Variants in SCART1 observed in about 807,000 individuals in gnomAD.
SCART1 encodes scavenger receptor cysteine-rich domain-containing protein SCART1.
SCART1 carries 62 observed loss-of-function variants against 36.2 expected under a neutral mutation model. The observed-to-expected ratio is 1.71, with a 90% CI of 1.40 to 2.12. The LOEUF is 2.12. Among genes scored for constraint, SCART1 ranks in the 30% most tolerant of loss-of-function variants. The probability of loss-of-function intolerance (pLI) is 0.00; values close to 1 mark genes in which losing one functional copy is unlikely to be tolerated. For missense variants in SCART1, 1,041 were observed against 540.5 expected (o/e 1.93, Z -9.18); for synonymous variants, 487 against 238.7 (o/e 2.04, Z -9.59).
In SCART1 at chr10:133,456,815, C is replaced by T. The variant is rs543301491; in HGVS notation, c.385+261C>T. ...GGAAGGAAGCAGAGTGCGGCCCAGGCGTGGGGGAGGCAGCAGCCGAGCGGG... is the reference window on the plus strand; with the variant it reads ...GGAAGGAAGCAGAGTGCGGCCCAGGTGTGGGGGAGGCAGCAGCCGAGCGGG... On this transcript the variant is annotated intron_variant, in intron 2 of 11. Transcript: ENST00000640237. 5.9e-5 allele frequency among the ~76,000 whole-genome samples: 9 copies of T among 152,182 alleles called. No homozygotes were observed. In the East Asian group the frequency reaches 1.4e-3, roughly 23 times the overall value.
At chr10:133,460,209 A>G in intron 6 of SCART1, 39 bp downstream of exon 6, 1 of 455,644 alleles carries the variant, frequency 2.2e-6, no homozygotes, top group African/African-American at 2.0e-5. Context: ...ATGCTGTTTT[A>G]TTACGTACAG....
At chr10:133,456,777 G>A (rs930820321) in intron 2 of SCART1, among the ~76,000 whole-genome samples, 10 of 152,178 alleles carry the variant, frequency 6.6e-5, no homozygotes, top group Admixed American at 2.0e-4. Context: ...GCCAGGGAGA[G>A]TCAGAGATTG....
At chr10:133,469,325 T>C (rs941869734), downstream of SCART1, 12 of 152,196 alleles carry the variant, frequency 7.9e-5, no homozygotes, top group African/African-American at 2.9e-4. Context: ...TCCCATCCCG[T>C]AGGTTGCCTG....
rs777548459 is a variant in SCART1 at position 133,457,290 on chromosome 10, C to A, written c.397C>A (p.Arg133=). 9 of 700,878 alleles carry A rather than the reference C, an allele frequency of 1.3e-5. No homozygotes were observed. In the South Asian group the frequency reaches 1.3e-4, roughly 10 times the overall value. 43.4% of individuals were successfully genotyped at this position (700,878 alleles called of 1,614,324 possible). The change falls in exon 3 of 12, where the codon CGG becomes AGG. Residue 133 remains arginine, a synonymous_variant. Coordinates refer to ENST00000640237, the Ensembl canonical transcript of SCART1. Reference sequence around the variant, plus strand: ...CCTGTGCTCCACAGACGGCACTTTCCGGGAGCTCCGGCTGGTGAAGGGCCG... The same window carrying A: ...CCTGTGCTCCACAGACGGCACTTTCAGGGAGCTCCGGCTGGTGAAGGGCCG...
At chr10:133,462,062 T>C (rs888068093) in intron 6 of SCART1, among the ~76,000 whole-genome samples, 5 of 152,362 alleles carry the variant, frequency 3.3e-5, no homozygotes, top group African/African-American at 1.2e-4. Flanking sequence ...CCTCGGTCAC[T>C]TCTGGCCCCT....
Position 133,457,631 on chromosome 10 carries a change from C to G in SCART1, c.682+56C>G, listed in dbSNP as rs925804219. ...CCTTGGGATGATGCTGGGCCCGGAC[C>G]TGGGGAGGGCAGGGAGAAGGGGGGT... On this transcript the variant is annotated intron_variant, in intron 3 of 11. Coordinates refer to ENST00000640237, the Ensembl canonical transcript of SCART1. 1.6e-5 allele frequency: 10 copies of G among 614,568 alleles called. No homozygotes were observed. In the Middle Eastern group the frequency reaches 1.3e-3, roughly 82 times the overall value. The allele number at this position is 614,568 out of a possible 1,614,324, so 38.1% of individuals were successfully genotyped here.
Position 133,466,361 on chromosome 10 carries a change from T to C in SCART1, c.2786T>C (p.Val929Ala), listed in dbSNP as rs1314706011. Residue 929 changes from valine to alanine, a missense_variant, in exon 10 of 12, where the codon GTC becomes GCC. Transcript: ENST00000640237. ...ATGGCTTTTCTGATTCTGCCTCGAG[T>C]CACACAAGCCATGCAGAGGGGTAAG... 3 of 702,740 alleles carry C rather than the reference T, an allele frequency of 4.3e-6. 1 individual carries two copies. Among genetic ancestry groups the C allele is most frequent in the Admixed American group, 2.0e-5 (1 of 49,994 alleles). 43.5% of individuals were successfully genotyped at this position (702,740 alleles called of 1,614,324 possible).
chr10:133,456,955 T>C (rs919606776), intron 2 of SCART1: 5 of 507,990 alleles, frequency 9.8e-6, no homozygotes, highest in Non-Finnish European at 1.7e-5. Context: ...TCCTCAGCTG[T>C]CCCTCACATT....
chr10:133,467,896 G>A (rs1184406046), exon 12 of SCART1: 1 of 700,652 alleles, frequency 1.4e-6, no homozygotes, highest in Admixed American at 2.0e-5. Context: ...TACGTGCGGA[G>A]GGAGGACACA....
rs543622605 is a variant in SCART1, at chr10:133,458,789, C to T, written c.979+133C>T. On this transcript the variant is annotated intron_variant, in intron 4 of 11. Transcript: ENST00000640237. ...GTTTGCTTCTGTTGGTTGAAAGAAG[C>T]GCAGGGAAGAGACTGGGTGTAGAGT... 7 of 671,248 alleles carry T rather than the reference C, an allele frequency of 1.0e-5. No individual in the cohort carries two copies. In the Admixed American group the frequency reaches 1.5e-4, roughly 15 times the overall value. 41.6% of individuals were successfully genotyped at this position (671,248 alleles called of 1,614,324 possible). A position where few individuals can be genotyped will look rare whatever the true frequency, so the allele number is the denominator to read the frequency against.
intron 6 of SCART1, among the ~76,000 whole-genome samples, chr10:133,460,699 C>T (rs1850692267): frequency 6.6e-6 from 1 of 151,376 alleles, no homozygotes; most frequent in Non-Finnish European, 1.5e-5. Flanking sequence ...CTGCCGCTGG[C>T]TTCAGATTCT....
Position 133,457,446 on chromosome 10 carries a change from C to T in SCART1, c.553C>T (p.Arg185Trp), listed in dbSNP as rs560774438. The T allele has an allele frequency of 5.1e-4, 358 of 702,534 alleles. No individual in the cohort carries two copies. The African/African-American group carries it at 5.4e-3, about 11-fold the overall frequency. 43.5% of individuals were successfully genotyped at this position (702,534 alleles called of 1,614,324 possible). A position where few individuals can be genotyped will look rare whatever the true frequency, so the allele number is the denominator to read the frequency against. Residue 185 changes from arginine to tryptophan, a missense_variant, in exon 3 of 12, where the codon CGG becomes TGG. By Grantham distance (101) the Arg-to-Trp change is moderately radical. Coordinates refer to ENST00000640237, the Ensembl canonical transcript of SCART1. Reference sequence around the variant, plus strand: ...CGGCCCTGTGCTCCAGGCCCCCCGCCGGGACGTGGGCGTCGTCAGGAAGTA... The same window carrying T: ...CGGCCCTGTGCTCCAGGCCCCCCGCTGGGACGTGGGCGTCGTCAGGAAGTA...
At chr10:133,455,723 G>GCC (rs1408197374) in intron 1 of SCART1, among the ~76,000 whole-genome samples, 3 of 152,070 alleles carry the variant, frequency 2.0e-5, no homozygotes, top group Non-Finnish European at 2.9e-5. Flanking sequence ...GGTATGGGTG[G>GCC]GGTAGTGGGG....
chr10:133,459,714 G>A (rs1051553661), exon 6 of SCART1: 34 of 700,260 alleles, frequency 4.9e-5, no homozygotes, highest in Admixed American at 1.0e-4. Flanking sequence ...GCGCTGTCTG[G>A]GCACCGAAAC....
At chr10:133,464,695 A>C (rs1231514621) in exon 7 of SCART1, 4 of 701,198 alleles carry the variant, frequency 5.7e-6, no homozygotes, top group Non-Finnish European at 1.0e-5. Context: ...CGCCATGTGC[A>C]GCAATGCCCT....
exon 4 of SCART1, chr10:133,458,477 G>A (rs894119406): frequency 3.6e-5 from 25 of 691,498 alleles, no homozygotes; most frequent in South Asian, 7.5e-5. Flanking sequence ...GTGGTGTGCC[G>A]GGAGCTGCAG....
At chr10:133,464,736 G>A in exon 7 of SCART1, 1 of 694,314 alleles carries the variant, frequency 1.4e-6, no homozygotes, top group Non-Finnish European at 2.6e-6. Flanking sequence ...TCATCTGCAA[G>A]CAGCTGGGGT....
Position 133,464,610 on chromosome 10 carries a change from G to A in SCART1, c.1974G>A (p.Ser658=), listed in dbSNP as rs187769976. 3.1e-3 allele frequency: 1,985 copies of A among 649,084 alleles called. 6 individuals carry two copies. Among genetic ancestry groups the A allele is most frequent in the Non-Finnish European group, 4.6e-3 (1,621 of 355,274 alleles). The allele number at this position is 649,084 out of a possible 1,614,324, so 40.2% of individuals were successfully genotyped here. A position where few individuals can be genotyped will look rare whatever the true frequency, so the allele number is the denominator to read the frequency against. Reference sequence around the variant, plus strand: ...CTGACTGTGCTTGCCTTGCAGAGTCGGTGGCTCTGAGGCTGCGAGGTGGGA... The same window carrying A: ...CTGACTGTGCTTGCCTTGCAGAGTCAGTGGCTCTGAGGCTGCGAGGTGGGA... The change falls in exon 7 of 12, where the codon TCG becomes TCA. Residue 658 remains serine (S), a synonymous_variant. Coordinates refer to ENST00000640237, the Ensembl canonical transcript of SCART1.
exon 6 of SCART1, chr10:133,459,597 C>T: frequency 3.0e-6 from 2 of 672,982 alleles, no homozygotes; most frequent in Non-Finnish European, 5.4e-6. Context: ...CTGGGACCTG[C>T]GCGGCGCGGG....
Sources: gnomAD v4.1 joint callset for allele counts (sites outside exome capture counted in the v4.1 genomes callset) on GRCh38, gnomAD v4.1.1 for gene constraint, MANE v1.5 for transcripts, NCBI Gene and HGNC (gene_info 2026-07-23, HGNC 2026-07-21) for gene names.